Variants in SEMA5A observed in about 807,000 individuals in gnomAD.
SEMA5A encodes the protein semaphorin 5A.
SEMA5A carries 55 observed loss-of-function variants against 135.5 expected under a neutral mutation model. That is an observed-to-expected ratio of 0.41 (90% CI 0.33 to 0.51). SEMA5A has a LOEUF of 0.51. Among genes scored for constraint, SEMA5A ranks in the 20% least tolerant of loss-of-function variants. SEMA5A has a pLI of 0.37. For missense variants in SEMA5A, 1,290 were observed against 1,419.9 expected (o/e 0.91, Z 1.47); for synonymous variants, 580 against 546.5 (o/e 1.06, Z -0.85).
At chr5:9,094,402 T>C (rs1201917154) in intron 16 of SEMA5A, among the ~76,000 whole-genome samples, 1 of 152,254 alleles carries the variant, frequency 6.6e-6, no homozygotes, top group East Asian at 1.9e-4. Flanking sequence ...AGTTTCTTTC[T>C]TCCTCTTCAG....
chr5:9,304,866 G>A (rs937697015), intron 5 of SEMA5A, among the ~76,000 whole-genome samples: 2 of 152,054 alleles, frequency 1.3e-5, no homozygotes, highest in African/African-American at 4.8e-5. Flanking sequence ...ACAATTATAC[G>A]TTTCTTAGAG....
chr5:9,074,682 G>A (rs1737948975), intron 16 of SEMA5A, among the ~76,000 whole-genome samples: 1 of 152,144 alleles, frequency 6.6e-6, no homozygotes, highest in Admixed American at 6.5e-5. Context: ...TGAAAGATAT[G>A]TATAGGCATT....
chr5:9,370,213 A>G (rs977578111), intron 3 of SEMA5A, among the ~76,000 whole-genome samples: 1 of 152,228 alleles, frequency 6.6e-6, no homozygotes, highest in African/African-American at 2.4e-5. Flanking sequence ...ACAACCGTTA[A>G]TCACCTTCTG....
intron 1 of SEMA5A, among the ~76,000 whole-genome samples, chr5:9,448,519 C>T (rs1354609408): frequency 1.3e-5 from 2 of 152,190 alleles, no homozygotes; most frequent in Non-Finnish European, 2.9e-5. Context: ...AAGACAACTC[C>T]TCCCCTCCCT....
At chr5:9,316,853 A>G (rs942617929) in intron 5 of SEMA5A, among the ~76,000 whole-genome samples, 1 of 152,144 alleles carries the variant, frequency 6.6e-6, no homozygotes, top group Non-Finnish European at 1.5e-5. Flanking sequence ...CACATAGTAC[A>G]TTGTTAGTAG....
chr5:9,299,480 G>T (rs915092269), intron 5 of SEMA5A, among the ~76,000 whole-genome samples: 1 of 152,090 alleles, frequency 6.6e-6, no homozygotes, highest in Non-Finnish European at 1.5e-5. Flanking sequence ...CTCCTGCAGG[G>T]GACTTTCTCT....
intron 1 of SEMA5A, among the ~76,000 whole-genome samples, chr5:9,513,055 AATATATATATATAATAT>A (rs1561311736): frequency 9.0e-6 from 1 of 110,960 alleles, no homozygotes; most frequent in Non-Finnish European, 1.9e-5. Flanking sequence ...ATGAGATGCA[AATATATATATATAATAT>A]ATATATATAT....
intron 2 of SEMA5A, among the ~76,000 whole-genome samples, chr5:9,405,562 G>A (rs1382401487): frequency 6.6e-6 from 1 of 152,122 alleles, no homozygotes; most frequent in Non-Finnish European, 1.5e-5. Context: ...TTACAGAAAA[G>A]TCTTGGCAAA....
At chr5:9,475,133 T>C (rs898600668) in intron 1 of SEMA5A, among the ~76,000 whole-genome samples, 3 of 152,220 alleles carry the variant, frequency 2.0e-5, no homozygotes, top group Admixed American at 2.0e-4. Flanking sequence ...AGTTTCGCCA[T>C]GTTGGCCAGG....
In SEMA5A at chr5:9,319,484, G is replaced by A. The variant is rs1752531889; in HGVS notation, c.225-1067C>T. ...GATAGATTAGTTACACTGGGCTTTGGACTCTAGTGTTGTAGGTTTTAGAAA... is the reference window on the plus strand; with the variant it reads ...GATAGATTAGTTACACTGGGCTTTGAACTCTAGTGTTGTAGGTTTTAGAAA... On this transcript the variant is annotated intron_variant, in intron 4 of 22. Coordinates refer to ENST00000382496, the MANE Select transcript of SEMA5A (RefSeq NM_003966.3). 1.3e-5 allele frequency among the ~76,000 whole-genome samples: 2 copies of A among 152,122 alleles called. 1 individual carries two copies. Among genetic ancestry groups the A allele is most frequent in the Non-Finnish European group, 2.9e-5 (2 of 68,028 alleles).
rs1735966222 is a variant in SEMA5A at position 9,041,484 on chromosome 5, T to C, written c.*1413A>G. The C allele has an allele frequency of 6.6e-6, 1 of 151,836 alleles. No individual in the cohort carries two copies. The highest frequency in any genetic ancestry group is 2.4e-5 in the African/African-American group (1 of 41,070). 9.4% of individuals were successfully genotyped at this position (151,836 alleles called of 1,614,324 possible). On this transcript the variant is annotated 3_prime_UTR_variant, in exon 23 of 23. Coordinates refer to ENST00000382496, the MANE Select transcript of SEMA5A (RefSeq NM_003966.3). ...ATTGGTTGTTTGTGAGAAAATTATATATTTTTTTCCAGGGACCTCTGTGAA... is the reference window on the plus strand; with the variant it reads ...ATTGGTTGTTTGTGAGAAAATTATACATTTTTTTCCAGGGACCTCTGTGAA...
chr5:9,115,421 G>A (rs1740459712), intron 15 of SEMA5A, among the ~76,000 whole-genome samples: 1 of 152,158 alleles, frequency 6.6e-6, no homozygotes, highest in African/African-American at 2.4e-5. Context: ...GAATTTATAT[G>A]GAACAGTGAT....
chr5:9,423,419 C>T (rs913688782), intron 2 of SEMA5A, among the ~76,000 whole-genome samples: 18 of 152,302 alleles, frequency 1.2e-4, no homozygotes, highest in South Asian at 4.1e-4. Flanking sequence ...ACAAACTATG[C>T]GCAGCCTTTT....
chr5:9,487,150 T>C (rs1330277154), intron 1 of SEMA5A, among the ~76,000 whole-genome samples: 1 of 152,174 alleles, frequency 6.6e-6, no homozygotes, highest in African/African-American at 2.4e-5. Context: ...AAACTTTCAT[T>C]TAAGCCTAAG....
At chr5:9,338,072 T>C (rs947896541) in intron 3 of SEMA5A, among the ~76,000 whole-genome samples, 1 of 152,202 alleles carries the variant, frequency 6.6e-6, no homozygotes, top group Non-Finnish European at 1.5e-5. Flanking sequence ...ACAAGCCAGA[T>C]GTGCATTTTC....
chr5:9,284,393 A>C (rs909518709), intron 5 of SEMA5A, among the ~76,000 whole-genome samples: 1 of 152,236 alleles, frequency 6.6e-6, no homozygotes, highest in African/African-American at 2.4e-5. Flanking sequence ...TTCATAATGT[A>C]AACTCAAACT....
At chr5:9,259,643 C>G (rs1239286162) in intron 5 of SEMA5A, among the ~76,000 whole-genome samples, 1 of 151,764 alleles carries the variant, frequency 6.6e-6, no homozygotes. Flanking sequence ...TGAATGACTA[C>G]TGGGTACATA....
At chr5:9,237,376 G>A (rs191910098) in intron 6 of SEMA5A, among the ~76,000 whole-genome samples, 10 of 152,192 alleles carry the variant, frequency 6.6e-5, no homozygotes, top group Admixed American at 2.6e-4. Context: ...GTAGATTTTC[G>A]TATGAAAAGA....
chr5:9,511,844 T>C (rs1736221698), intron 1 of SEMA5A: 1 of 152,068 alleles, frequency 6.6e-6, no homozygotes, highest in Admixed American at 6.6e-5. Flanking sequence ...ATAAATTAAA[T>C]AATAATGAAG....
Sources: gnomAD v4.1 joint callset for allele counts (sites outside exome capture counted in the v4.1 genomes callset) on GRCh38, gnomAD v4.1.1 for gene constraint, MANE v1.5 for transcripts, NCBI Gene and HGNC (gene_info 2026-07-23, HGNC 2026-07-21) for gene names.